The following AKAP13 variants were observed in gnomAD, a reference collection of about 807,000 sequenced individuals.
AKAP13 encodes the protein A-kinase anchoring protein 13, also known as A-kinase anchor protein 13.
In AKAP13, 80 loss-of-function variants were observed where a neutral mutation model predicts 264.5. The ratio of observed to expected loss-of-function variants is 0.30; its 90% CI spans 0.25 to 0.36. The LOEUF is 0.36. AKAP13 is among the 10% of genes least tolerant of loss of function. The probability of loss-of-function intolerance (pLI) is 1.00; values close to 1 mark genes in which losing one functional copy is unlikely to be tolerated. For synonymous variants in AKAP13, 1,380 were observed against 1,250.2 expected (o/e 1.10, Z -2.19); for missense variants, 3,712 against 3,435.2 (o/e 1.08, Z -2.01).
At chr15:85,729,481 G>T (rs1236374391) in intron 29 of AKAP13, among the ~76,000 whole-genome samples, 2 of 152,166 alleles carry the variant, frequency 1.3e-5, no homozygotes, top group Admixed American at 6.5e-5. Context: ...TTTCTCACGT[G>T]CTGAGAACAA....
chr15:85,598,862 C>G (rs906982796), intron 8 of AKAP13, among the ~76,000 whole-genome samples: 1 of 152,210 alleles, frequency 6.6e-6, no homozygotes, highest in African/African-American at 2.4e-5. Context: ...ATGTTTCACT[C>G]AAAGGATTTT....
chr15:85,449,751 A>G (rs1214790236), intron 1 of AKAP13, among the ~76,000 whole-genome samples: 1 of 152,152 alleles, frequency 6.6e-6, no homozygotes, highest in African/African-American at 2.4e-5. Flanking sequence ...ACCAACTTGC[A>G]ACTGGGGATG....
At position 85,449,299 on chromosome 15, in the gene AKAP13, GTTGT is replaced by G. The variant is rs551249867; in HGVS notation, c.-11-36408_-11-36405del. ...TTTTATATCCTGCAACTTTGCTGAA[GTTGT>G]TTATCAGCTGAAGGAGCTTTTGGGC... is the stretch of plus-strand genomic sequence containing the variant. On this transcript the variant is annotated intron_variant, in intron 1 of 36. Coordinates refer to ENST00000394518, the MANE Select transcript of AKAP13 (RefSeq NM_007200.5). 7.2e-5 allele frequency among the ~76,000 whole-genome samples: 11 copies of G among 152,318 alleles called. No homozygotes were observed. The South Asian group carries it at 2.3e-3, about 32-fold the overall frequency.
intron 5 of AKAP13, among the ~76,000 whole-genome samples, chr15:85,570,762 C>A (rs2078789958): frequency 6.6e-6 from 1 of 152,066 alleles, no homozygotes; most frequent in Non-Finnish European, 1.5e-5. Flanking sequence ...GAGAACTGAT[C>A]GACAGGGTTG....
chr15:85,511,713 C>T (rs1258568570), intron 2 of AKAP13, among the ~76,000 whole-genome samples: 1 of 152,152 alleles, frequency 6.6e-6, no homozygotes, highest in Admixed American at 6.5e-5. Context: ...ACTTAGTCTG[C>T]ATCTCCTGGC....
intron 30 of AKAP13, 120 bp from the exon 31 acceptor site, chr15:85,734,872 C>T: frequency 7.5e-7 from 1 of 1,340,342 alleles, no homozygotes; most frequent in South Asian, 1.5e-5. Flanking sequence ...CAAAGGAACT[C>T]ACCCAGTCAC....
rs765010409 is a variant in AKAP13, at chr15:85,724,634, T to C, written c.6745+1314T>C. Among the ~76,000 whole-genome samples, 25 of 151,268 alleles carry C rather than the reference T, an allele frequency of 1.7e-4. No homozygotes were observed. Among genetic ancestry groups the C allele is most frequent in the Non-Finnish European group, 3.1e-4 (21 of 67,922 alleles). On this transcript the variant is annotated intron_variant, in intron 26 of 36. Coordinates refer to ENST00000394518, the MANE Select transcript of AKAP13 (RefSeq NM_007200.5). This position sits in a 1 kb window ranked among gnomAD's most constrained non-coding sequence, Gnocchi z 4.2. ...CTGAGGAGTTAACAGTTGATACTAT[T>C]GATGAGGGAAGGGGGCAAAGAATGG...
At chr15:85,386,384 C>G (rs1032817923) in intron 1 of AKAP13, among the ~76,000 whole-genome samples, 3 of 151,874 alleles carry the variant, frequency 2.0e-5, no homozygotes, top group African/African-American at 7.3e-5. Flanking sequence ...ATCTCCGCCT[C>G]CCGGGTTCAA....
rs138704025 is a variant in AKAP13, at chr15:85,390,630, C to T, written c.-12+9832C>T. Among the ~76,000 whole-genome samples, 14 of 152,252 alleles carry T rather than the reference C, an allele frequency of 9.2e-5. 1 individual carries two copies. The highest frequency in any genetic ancestry group is 2.9e-4 in the African/African-American group (12 of 41,530). On this transcript the variant is annotated intron_variant, in intron 1 of 36. Coordinates refer to ENST00000394518, the MANE Select transcript of AKAP13 (RefSeq NM_007200.5). ...TTGGCATAGGGAGCAGTAGTGGAAA[C>T]GGAGAGACTAGTTAAGAGATTTGCA... is the stretch of plus-strand genomic sequence containing the variant.
intron 1 of AKAP13, among the ~76,000 whole-genome samples, chr15:85,480,441 A>G (rs2075313165): frequency 6.6e-6 from 1 of 152,194 alleles, no homozygotes; most frequent in African/African-American, 2.4e-5. Flanking sequence ...ACCCCACAGT[A>G]TAGGAAGCAT....
intron 1 of AKAP13, among the ~76,000 whole-genome samples, chr15:85,403,489 G>T (rs1186269053): frequency 6.6e-6 from 1 of 152,162 alleles, no homozygotes; most frequent in Non-Finnish European, 1.5e-5. Context: ...AAGATGGCAT[G>T]GTCTTGTGAC....
chr15:85,726,371 C>CTTA (rs1246789264), intron 26 of AKAP13, 39 bp from the exon 27 acceptor site: 1 of 1,551,268 alleles, frequency 6.4e-7, no homozygotes, highest in African/African-American at 1.4e-5. Context: ...ATTAAGTAGT[C>CTTA]ATCGTTTTAT....
Position 85,692,497 on chromosome 15 carries a change from ATGGTGGTGGTGG to A in AKAP13, c.5290-770_5290-759del, listed in dbSNP as rs35316448. Among the ~76,000 whole-genome samples, 571 of 151,162 alleles carry A rather than the reference ATGGTGGTGGTGG, an allele frequency of 3.8e-3. 1 individual carries two copies. Among genetic ancestry groups the A allele is most frequent in the Admixed American group, 7.6e-3 (115 of 15,172 alleles). The stretch of plus-strand genomic sequence containing the variant: ...AGTAGTAGTAGTGGTGGTGGTGGTG[ATGGTGGTGGTGG>A]TGGTGGTGGCAGTAGTGGTAGTAGT... On this transcript the variant is annotated intron_variant, in intron 16 of 36. Coordinates refer to ENST00000394518, the MANE Select transcript of AKAP13 (RefSeq NM_007200.5).
chr15:85,688,560 G>A (rs1239571408), intron 16 of AKAP13, among the ~76,000 whole-genome samples: 1 of 152,118 alleles, frequency 6.6e-6, no homozygotes, highest in South Asian at 2.1e-4. Context: ...TATGAAAATA[G>A]GTTATAGTGA....
At chr15:85,440,535 C>G (rs80033235) in intron 1 of AKAP13, among the ~76,000 whole-genome samples, 1 of 152,080 alleles carries the variant, frequency 6.6e-6, no homozygotes, top group South Asian at 2.1e-4. Context: ...AAGGAGCTTT[C>G]TTCTTTCTAT....
chr15:85,381,199 C>T (rs1595985915), intron 1 of AKAP13, among the ~76,000 whole-genome samples: 1 of 152,100 alleles, frequency 6.6e-6, no homozygotes, highest in African/African-American at 2.4e-5. Context: ...GGGCTCACTC[C>T]TCCCCTGGGG....
In AKAP13 at chr15:85,719,174, A is replaced by T; in HGVS notation, c.6100A>T (p.Met2034Leu). The change falls in exon 23 of 37, where the codon ATG becomes TTG. Residue 2034 changes from methionine to leucine, a missense_variant. Around this residue, in one of 3 missense-constraint regions of AKAP13, gnomAD observed 342 missense variants for 484.3 expected, o/e 0.71. Transcript: ENST00000394518. ...MMADLLFEQQ[M>L]VEKLFPCLDE... is the part of the protein sequence containing the mutation. ...GGCGGATCTGCTTTTTGAGCAGCAG[A>T]TGGTAGAAAAGCTGTTCCCCTGTTT... 6.2e-7 allele frequency: 1 copy of T among 1,614,150 alleles called. No individual in the cohort carries two copies. The highest frequency in any genetic ancestry group is 8.5e-7 in the Non-Finnish European group (1 of 1,180,032).
intron 1 of AKAP13, among the ~76,000 whole-genome samples, chr15:85,424,360 C>A (rs760485964): frequency 2.0e-5 from 3 of 152,150 alleles, no homozygotes; most frequent in Non-Finnish European, 2.9e-5. Flanking sequence ...GTTTGTAGTG[C>A]ACTTTTATGT....
At chr15:85,528,250 G>A (rs2077144541) in intron 3 of AKAP13, among the ~76,000 whole-genome samples, 1 of 152,156 alleles carries the variant, frequency 6.6e-6, no homozygotes, top group Non-Finnish European at 1.5e-5. Flanking sequence ...GTGCAGATTA[G>A]GTGATTTTAA....
Sources: allele counts gnomAD v4.1 joint callset (sites outside exome capture counted in the v4.1 genomes callset), GRCh38; gene constraint gnomAD v4.1.1; regional missense constraint gnomAD v4.1.1; non-coding constraint Gnocchi (gnomAD v3.1); transcripts MANE v1.5; gene names NCBI Gene and HGNC (gene_info 2026-07-23, HGNC 2026-07-21).